The following PRDM16 variants were observed in gnomAD, a reference collection of about 807,000 sequenced individuals.
PRDM16 encodes PR/SET domain 16.
Under a neutral mutation model 110.6 loss-of-function variants are expected in PRDM16, and 23 were observed. That is an observed-to-expected ratio of 0.21 (90% CI 0.15 to 0.29). The LOEUF (loss-of-function observed/expected upper bound fraction) is 0.29, where lower values mean the gene tolerates loss of function less well. Ranked by LOEUF, PRDM16 falls within the 10% of genes least tolerant of loss-of-function variation. The pLI, the probability that PRDM16 is intolerant of heterozygous loss-of-function variation, is 1.00. For missense variants in PRDM16, 1,615 were observed against 1,794.3 expected, an observed-to-expected ratio of 0.90 and a Z score of 1.81; for synonymous variants, 799 against 781.8, an observed-to-expected ratio of 1.02 and a Z score of -0.37.
intron 3 of PRDM16, among the ~76,000 whole-genome samples, chr1:3,365,959 CAT>C (rs1438599081): frequency 6.6e-6 from 1 of 152,034 alleles, no homozygotes; most frequent in East Asian, 1.9e-4. Flanking sequence ...CGCATGCACA[CAT>C]GCACACACAC....
intron 3 of PRDM16, among the ~76,000 whole-genome samples, chr1:3,295,559 G>T (rs770138921): frequency 6.6e-6 from 1 of 152,066 alleles, no homozygotes; most frequent in Admixed American, 6.5e-5. Context: ...TGAACAAAAG[G>T]CCCCTTCACT....
intron 8 of PRDM16, among the ~76,000 whole-genome samples, chr1:3,409,764 T>TG (rs1643640511): frequency 7.0e-6 from 1 of 141,862 alleles, no homozygotes; most frequent in Non-Finnish European, 1.5e-5. Context: ...GGTGTGAGTG[T>TG]GTGTGGTTGT....
rs1169369854 is a variant in PRDM16 at position 3,272,722 on chromosome 1, C to T, written c.438+28585C>T. Among the ~76,000 whole-genome samples the T allele has an allele frequency of 4.0e-5, 6 of 150,904 alleles. No individual in the cohort carries two copies. In the East Asian group the frequency reaches 6.0e-4, roughly 15 times the overall value. ...GATGCCTGTGAGCCCCACCACCACT[C>T]GGAGCTCTGCCTGAATGTGGGGTTG... On this transcript the variant is annotated intron_variant, in intron 3 of 16. Transcript: ENST00000270722.
chr1:3,348,755 G>T (rs1396420917), intron 3 of PRDM16, among the ~76,000 whole-genome samples: 3 of 152,222 alleles, frequency 2.0e-5, no homozygotes, highest in African/African-American at 7.2e-5. Flanking sequence ...TTGGGGACCG[G>T]GGCCGCAGTG....
intron 15 of PRDM16, 140 bp downstream of exon 15, chr1:3,431,248 C>A (rs1638759928): frequency 1.5e-6 from 2 of 1,375,052 alleles, no homozygotes; most frequent in Non-Finnish European, 1.9e-6. Context: ...AGGGCCTCCA[C>A]ACACAGGCCA....
chr1:3,407,736 C>T lies in PRDM16; in HGVS notation c.1186+2088C>T, dbSNP rs529981446. ...ATGATGTGCATTCCAAGAGCTGCAGCACCCTGGGCAGCTGGAGCCCACTGT... is the reference window on the plus strand; with the variant it reads ...ATGATGTGCATTCCAAGAGCTGCAGTACCCTGGGCAGCTGGAGCCCACTGT... On this transcript the variant is annotated intron_variant, in intron 8 of 16. Coordinates refer to ENST00000270722, the MANE Select transcript of PRDM16 (RefSeq NM_022114.4). 4.6e-5 allele frequency among the ~76,000 whole-genome samples: 7 copies of T among 152,346 alleles called. No homozygotes were observed. The South Asian group carries it at 1.4e-3, about 32-fold the overall frequency.
rs1265739389 is a variant in PRDM16 at position 3,191,031 on chromosome 1, T to C, written c.387+4557T>C. Among the ~76,000 whole-genome samples, 3 of 152,210 alleles carry C rather than the reference T, an allele frequency of 2.0e-5. No homozygotes were observed. In the East Asian group the frequency reaches 5.9e-4, roughly 30 times the overall value. On this transcript the variant is annotated intron_variant, in intron 2 of 16. Coordinates refer to ENST00000270722, the MANE Select transcript of PRDM16 (RefSeq NM_022114.4). ...GAGGCACTGGGGGCACTTTGCTCACTGCATCAGCCACTGTCTCCCACCCAA... is the reference window on the plus strand; with the variant it reads ...GAGGCACTGGGGGCACTTTGCTCACCGCATCAGCCACTGTCTCCCACCCAA...
intron 4 of PRDM16, among the ~76,000 whole-genome samples, chr1:3,389,463 C>T (rs1180614141): frequency 2.6e-5 from 4 of 152,210 alleles, no homozygotes; most frequent in Non-Finnish European, 2.9e-5. Flanking sequence ...CCCACCTCCA[C>T]GTTCTCATCT....
intron 1 of PRDM16, among the ~76,000 whole-genome samples, chr1:3,134,183 A>G (rs1338587147): frequency 1.3e-5 from 2 of 152,140 alleles, no homozygotes; most frequent in Admixed American, 6.5e-5. Context: ...CCCGGCGCTG[A>G]TGTCCAGTGG....
At position 3,148,293 on chromosome 1, in the gene PRDM16, G is replaced by A. The variant is rs1200532099; in HGVS notation, c.38-37832G>A. Among the ~76,000 whole-genome samples, 2 of 152,182 alleles carry A rather than the reference G, an allele frequency of 1.3e-5. No homozygotes were observed. Among genetic ancestry groups the A allele is most frequent in the East Asian group, 3.9e-4 (2 of 5,184 alleles). On this transcript the variant is annotated intron_variant, in intron 1 of 16. Coordinates refer to ENST00000270722, the MANE Select transcript of PRDM16 (RefSeq NM_022114.4). The surrounding 1 kb of genome is among the most constrained non-coding windows in gnomAD (Gnocchi z 5.0). ...TGAGAGCAGGTCGGGTGCCAGGACA[G>A]AGCAGCCACAGGTGGCCGCCCAGGG...
intron 1 of PRDM16, among the ~76,000 whole-genome samples, chr1:3,171,220 A>T (rs1057474968): frequency 6.6e-6 from 1 of 152,224 alleles, no homozygotes; most frequent in Non-Finnish European, 1.5e-5. Flanking sequence ...GTTGGTAGGA[A>T]CTAAAGAGAT....
At chr1:3,333,582 C>T (rs574174960) in intron 3 of PRDM16, among the ~76,000 whole-genome samples, 4 of 152,328 alleles carry the variant, frequency 2.6e-5, no homozygotes, top group South Asian at 2.1e-4. Flanking sequence ...TCCAAAAAGC[C>T]TTCCTCCGAA....
intron 1 of PRDM16, among the ~76,000 whole-genome samples, chr1:3,104,511 C>T (rs1642604939): frequency 6.6e-6 from 1 of 152,190 alleles, no homozygotes; most frequent in African/African-American, 2.4e-5. Flanking sequence ...GAGACCACAG[C>T]AGTTGTCTGC....
intron 3 of PRDM16, among the ~76,000 whole-genome samples, chr1:3,330,628 C>T (rs1278891576): frequency 6.6e-6 from 1 of 152,228 alleles, no homozygotes; most frequent in Non-Finnish European, 1.5e-5. Context: ...GCCTCCACCT[C>T]AAATCCCAAG....
At chr1:3,199,143 G>A (rs1002384641) in intron 2 of PRDM16, among the ~76,000 whole-genome samples, 3 of 152,144 alleles carry the variant, frequency 2.0e-5, no homozygotes, top group Non-Finnish European at 4.4e-5. Context: ...GGCAGAGGGG[G>A]ATTAGGATGC....
intron 3 of PRDM16, among the ~76,000 whole-genome samples, chr1:3,279,652 C>T (rs1276413659): frequency 6.6e-6 from 1 of 152,230 alleles, no homozygotes; most frequent in Non-Finnish European, 1.5e-5. Flanking sequence ...GGACGGGCAG[C>T]CGTCAGGGAG....
At chr1:3,331,495 G>T (rs1030262561) in intron 3 of PRDM16, among the ~76,000 whole-genome samples, 1 of 152,196 alleles carries the variant, frequency 6.6e-6, no homozygotes, top group Non-Finnish European at 1.5e-5. Context: ...AATAGCCCAG[G>T]CTCCACTTCC....
intron 3 of PRDM16, among the ~76,000 whole-genome samples, chr1:3,345,727 C>G (rs115015911): frequency 1.3e-5 from 2 of 150,762 alleles, no homozygotes; most frequent in African/African-American, 4.9e-5. Context: ...CGGGTCCTCC[C>G]GTGCTGCCCC....
chr1:3,361,259 T>C (rs1488127179), intron 3 of PRDM16, among the ~76,000 whole-genome samples: 1 of 152,144 alleles, frequency 6.6e-6, no homozygotes, highest in Non-Finnish European at 1.5e-5. Flanking sequence ...CTCCTCAGCA[T>C]GGGCTTCAGC....
Sources: allele counts gnomAD v4.1 joint callset (sites outside exome capture counted in the v4.1 genomes callset), GRCh38; gene constraint gnomAD v4.1.1; non-coding constraint Gnocchi (gnomAD v3.1); transcripts MANE v1.5; gene names NCBI Gene and HGNC (gene_info 2026-07-23, HGNC 2026-07-21).